Variants in STIM1 observed in about 807,000 individuals in gnomAD.
The protein encoded by STIM1 is stromal interaction molecule 1.
In STIM1, 25 loss-of-function variants were observed where a neutral mutation model predicts 74.7. The ratio of observed to expected loss-of-function variants is 0.33; its 90% CI spans 0.24 to 0.47. The LOEUF (loss-of-function observed/expected upper bound fraction) is 0.47. Ranked by LOEUF, STIM1 falls within the 20% of genes least tolerant of loss-of-function variation. The pLI, the probability that STIM1 is intolerant of heterozygous loss-of-function variation, is 1.00. For synonymous variants in STIM1, 328 were observed against 348.8 expected (o/e 0.94, Z 0.66); for missense variants, 728 against 920.8 (o/e 0.79, Z 2.71).
At chr11:3,964,370 T>C (rs1252060701) in intron 1 of STIM1, among the ~76,000 whole-genome samples, 1 of 152,218 alleles carries the variant, frequency 6.6e-6, no homozygotes, top group Non-Finnish European at 1.5e-5. Flanking sequence ...TGACATGGTT[T>C]TTCTGTACAG....
At chr11:3,943,689 C>G (rs1326922722) in intron 1 of STIM1, among the ~76,000 whole-genome samples, 2 of 152,108 alleles carry the variant, frequency 1.3e-5, no homozygotes, top group East Asian at 1.9e-4. Flanking sequence ...ATCACTTGAG[C>G]CCAGGAGTTT....
intron 1 of STIM1, among the ~76,000 whole-genome samples, chr11:3,955,546 T>C (rs2093201666): frequency 6.6e-6 from 1 of 152,188 alleles, no homozygotes; most frequent in African/African-American, 2.4e-5. Context: ...CTATATTTTT[T>C]ATTTCAGTGG....
At chr11:4,041,451 TTAC>T (rs928856034) in intron 3 of STIM1, among the ~76,000 whole-genome samples, 36 of 152,288 alleles carry the variant, frequency 2.4e-4, no homozygotes, top group African/African-American at 8.2e-4. Flanking sequence ...GAGCTTCCCT[TTAC>T]TACATTTTTA....
chr11:4,060,732 G>T (rs185906856), intron 5 of STIM1, among the ~76,000 whole-genome samples: 4 of 152,170 alleles, frequency 2.6e-5, no homozygotes, highest in African/African-American at 9.7e-5. Flanking sequence ...CTGCTCTCCA[G>T]TACTTCTATC....
chr11:3,871,870 G>A (rs1447659271), intron 1 of STIM1, among the ~76,000 whole-genome samples: 1 of 152,124 alleles, frequency 6.6e-6, no homozygotes, highest in African/African-American at 2.4e-5. Flanking sequence ...GATGTGTGCA[G>A]ATCTTATGAA....
Position 4,091,364 on chromosome 11 carries a change from C to T in STIM1, c.1717C>T (p.Arg573Cys), listed in dbSNP as rs370846246. Residue 573 changes from arginine to cysteine, a missense_variant, in exon 13 of 13, where the codon CGT becomes TGT. By Grantham distance (180) the Arg-to-Cys change is radical (BLOSUM62 -3). This residue lies in a region of STIM1 where 352 missense variants were observed against 370.1 expected (regional missense o/e 0.95). Transcript: ENST00000526596. ...RVAPKPPQMS[R>C]AADEALNAMT... ...GGCCCCCAAACCTCCTCAGATGAGC[C>T]GTGCTGCAGACGAGGCTCTCAATGC... 2.1e-5 allele frequency: 34 copies of T among 1,614,120 alleles called. No homozygotes were observed. The highest frequency in any genetic ancestry group is 1.3e-4 in the South Asian group (12 of 91,088).
chr11:4,051,932 A>G (rs919986810), intron 3 of STIM1, among the ~76,000 whole-genome samples: 2 of 152,238 alleles, frequency 1.3e-5, no homozygotes, highest in African/African-American at 4.8e-5. Flanking sequence ...ATCAATGTGC[A>G]AAAATCATAA....
intron 1 of STIM1, among the ~76,000 whole-genome samples, chr11:3,874,390 T>C (rs914362905): frequency 4.6e-5 from 7 of 152,194 alleles, no homozygotes; most frequent in African/African-American, 1.7e-4. Context: ...TCAGGGCTAG[T>C]GTTTTACACA....
chr11:4,005,671 T>C (rs979282033), intron 2 of STIM1, among the ~76,000 whole-genome samples: 1 of 152,116 alleles, frequency 6.6e-6, no homozygotes, highest in East Asian at 1.9e-4. Context: ...ATGGCACATG[T>C]ATACATATAT....
chr11:3,968,825 G>C (rs1181065508), intron 2 of STIM1, among the ~76,000 whole-genome samples: 5 of 152,174 alleles, frequency 3.3e-5, no homozygotes, highest in Non-Finnish European at 7.3e-5. Flanking sequence ...CTCATTGATT[G>C]AACTCTTACC....
rs2093658682 is a variant in STIM1, at chr11:3,995,840, A to T, written c.271-28033A>T. ...TTTTTTTTTTTTTTTAAGTTCTGGG[A>T]TATATGTGCAGGATGTGCAGGTGGC... On this transcript the variant is annotated intron_variant, in intron 2 of 12. Coordinates refer to ENST00000526596, the MANE Select transcript of STIM1 (RefSeq NM_001382567.1). 2.1e-5 allele frequency among the ~76,000 whole-genome samples: 3 copies of T among 141,146 alleles called. No individual in the cohort carries two copies. In the Admixed American group the frequency reaches 2.1e-4, roughly 10 times the overall value. The allele number at this position is 141,146 out of a possible 152,430, so 92.6% of individuals were successfully genotyped here.
At position 4,091,274 on chromosome 11, in the gene STIM1, T is replaced by C. The variant is rs200604535; in HGVS notation, c.1635-8T>C. On this transcript the variant is annotated splice_polypyrimidine_tract_variant and splice_region_variant and intron_variant, in intron 12 of 12. Transcript: ENST00000526596. The stretch of plus-strand genomic sequence containing the variant: ...TCCCTTTCTTCCTCTCTGCCCCATG[T>C]CTTGCAGGGATTTGACCCATTCCGA... The C allele has an allele frequency of 1.3e-5, 21 of 1,614,150 alleles. No homozygotes were observed. Among genetic ancestry groups the C allele is most frequent in the Non-Finnish European group, 1.7e-5 (20 of 1,180,048 alleles).
intron 1 of STIM1, among the ~76,000 whole-genome samples, chr11:3,884,791 A>T (rs1237706756): frequency 2.0e-5 from 3 of 151,338 alleles, no homozygotes; most frequent in Admixed American, 2.0e-4. Context: ...CAAAAAAAAA[A>T]AAAGGGGTAT....
chr11:3,968,911 T>C (rs985751384), intron 2 of STIM1, among the ~76,000 whole-genome samples: 1 of 152,194 alleles, frequency 6.6e-6, no homozygotes. Context: ...TTGGTATTAT[T>C]ACTAGGGTAT....
At chr11:3,974,508 T>G (rs1457073613) in intron 2 of STIM1, among the ~76,000 whole-genome samples, 4 of 138,212 alleles carry the variant, frequency 2.9e-5, no homozygotes, top group Admixed American at 7.4e-5. Flanking sequence ...AGACTCTATC[T>G]CTACCAAAAA....
intron 3 of STIM1, among the ~76,000 whole-genome samples, chr11:4,035,455 A>G (rs1408615010): frequency 1.3e-5 from 2 of 152,016 alleles, no homozygotes; most frequent in East Asian, 3.9e-4. Flanking sequence ...CTGGAAATGC[A>G]TACCTTTAAA....
intron 1 of STIM1, chr11:3,868,043 C>G (rs1227531740): frequency 6.6e-6 from 1 of 152,212 alleles, no homozygotes; most frequent in African/African-American, 2.4e-5. Context: ...GTTCCCAGAG[C>G]TGGCTTCTGA....
chr11:3,883,668 T>A (rs1433938206), intron 1 of STIM1, among the ~76,000 whole-genome samples: 1 of 152,264 alleles, frequency 6.6e-6, no homozygotes, highest in Non-Finnish European at 1.5e-5. Context: ...GACAATTTTT[T>A]ATTGTCTGCT....
At chr11:4,057,799 G>A (rs1433113685) in intron 4 of STIM1, among the ~76,000 whole-genome samples, 1 of 151,948 alleles carries the variant, frequency 6.6e-6, no homozygotes, top group Non-Finnish European at 1.5e-5. Flanking sequence ...GAACCCGGGA[G>A]GTGGAGCTTG....
Sources: gnomAD v4.1 joint callset for allele counts (sites outside exome capture counted in the v4.1 genomes callset) on GRCh38, gnomAD v4.1.1 for gene constraint, gnomAD v4.1.1 regional missense constraint, MANE v1.5 for transcripts, NCBI Gene and HGNC (gene_info 2026-07-23, HGNC 2026-07-21) for gene names.